Variants in COP1 observed in about 807,000 individuals in gnomAD.
COP1 encodes the protein COP1 E3 ubiquitin ligase.
In COP1, 24 loss-of-function variants were observed where a neutral mutation model predicts 101.3. The ratio of observed to expected loss-of-function variants is 0.24; its 90% CI spans 0.17 to 0.33. COP1 has a LOEUF of 0.33. COP1 is among the 10% of genes least tolerant of loss of function. COP1 has a pLI of 1.00. For missense variants in COP1, 663 were observed against 906.2 expected (o/e 0.73, Z 3.45); for synonymous variants, 347 against 341.9 (o/e 1.01, Z -0.17).
chr1:175,959,004 T>C (rs1419860871), intron 18 of COP1, among the ~76,000 whole-genome samples: 1 of 151,626 alleles, frequency 6.6e-6, no homozygotes, highest in Non-Finnish European at 1.5e-5. Context: ...ACATGGACAA[T>C]GCAAAAAAGG....
intron 11 of COP1, among the ~76,000 whole-genome samples, chr1:176,057,429 C>T (rs1248245407): frequency 1.3e-5 from 2 of 152,168 alleles, no homozygotes; most frequent in Non-Finnish European, 2.9e-5. Flanking sequence ...CACTGCAACC[C>T]CCCTGCCTGA....
At position 176,142,670 on chromosome 1, in the gene COP1, A is replaced by G. The variant is rs184843084; in HGVS notation, c.832-6123T>C. On this transcript the variant is annotated intron_variant, in intron 6 of 19. Coordinates refer to ENST00000367669, the MANE Select transcript of COP1 (RefSeq NM_022457.7). ...CAGCAAATATTATATTCAAAGAAAG[A>G]AAACACAACTTTCTGACTACAATGC... Among the ~76,000 whole-genome samples the G allele has an allele frequency of 4.6e-3, 699 of 152,234 alleles. 7 individuals carry two copies. The highest frequency in any genetic ancestry group is 0.015 in the African/African-American group (608 of 41,576).
intron 9 of COP1, among the ~76,000 whole-genome samples, chr1:176,098,258 C>T (rs898003560): frequency 5.3e-5 from 8 of 152,020 alleles, no homozygotes; most frequent in African/African-American, 1.5e-4. Flanking sequence ...AACAATTTAC[C>T]AGGTTTTAAA....
rs139598295 is a variant in COP1 at position 176,059,835 on chromosome 1, T to C, written c.1278-13511A>G. ...CCAACAAAACTTCATTTATGAACACTAGAATCTGAATTTTCACATGTCACA... is the reference window on the plus strand; with the variant it reads ...CCAACAAAACTTCATTTATGAACACCAGAATCTGAATTTTCACATGTCACA... On this transcript the variant is annotated intron_variant, in intron 11 of 19. Transcript: ENST00000367669. 1.3e-3 allele frequency among the ~76,000 whole-genome samples: 199 copies of C among 152,334 alleles called. 2 individuals are homozygous for C. The highest frequency in any genetic ancestry group is 4.4e-3 in the African/African-American group (183 of 41,566).
chr1:176,073,531 C>A (rs1456554549), intron 11 of COP1, among the ~76,000 whole-genome samples: 1 of 152,072 alleles, frequency 6.6e-6, no homozygotes, highest in East Asian at 1.9e-4. Flanking sequence ...ACACTGAACA[C>A]CTAATAGAAT....
chr1:175,971,548 G>A (rs1276440068), intron 18 of COP1, among the ~76,000 whole-genome samples: 3 of 151,446 alleles, frequency 2.0e-5, no homozygotes, highest in African/African-American at 7.3e-5. Flanking sequence ...GGAAGAAAAT[G>A]CCAAAGTGTT....
Position 175,971,533 on chromosome 1 carries a change from A to ATTT in COP1, c.2133+15409_2133+15410insAAA, listed in dbSNP as rs1334906830. The stretch of plus-strand genomic sequence containing the variant: ...ACATTGAGGTACTAGGAGGGTACCC[A>ATTT]TCTGGGAAGAAAATGCCAAAGTGTT... On this transcript the variant is annotated intron_variant, in intron 18 of 19. Coordinates refer to ENST00000367669, the MANE Select transcript of COP1 (RefSeq NM_022457.7). Among the ~76,000 whole-genome samples the ATTT allele has an allele frequency of 1.4e-4, 21 of 152,082 alleles. No individual in the cohort carries two copies. The South Asian group carries it at 3.5e-3, about 26-fold the overall frequency.
At chr1:176,047,550 C>A (rs1357326322) in intron 11 of COP1, among the ~76,000 whole-genome samples, 1 of 152,170 alleles carries the variant, frequency 6.6e-6, no homozygotes, top group Non-Finnish European at 1.5e-5. Flanking sequence ...GGTTTAAAAT[C>A]TATGTGTATG....
intron 9 of COP1, among the ~76,000 whole-genome samples, chr1:176,100,519 T>C (rs1050815032): frequency 2.0e-5 from 3 of 152,220 alleles, no homozygotes; most frequent in African/African-American, 7.2e-5. Flanking sequence ...TAACCCTGCT[T>C]GTTCCTGTGA....
chr1:176,002,231 G>C (rs1249865280), intron 15 of COP1, among the ~76,000 whole-genome samples: 1 of 151,924 alleles, frequency 6.6e-6, no homozygotes, highest in Non-Finnish European at 1.5e-5. Flanking sequence ...ATGCTTGATG[G>C]TGTCTCCAGG....
At chr1:176,009,011 T>C (rs772941390) in intron 15 of COP1, among the ~76,000 whole-genome samples, 27 of 152,168 alleles carry the variant, frequency 1.8e-4, no homozygotes, top group Admixed American at 1.8e-3. Flanking sequence ...ACAGAGCTCA[T>C]GGTCAACCAG....
chr1:176,037,229 C>T (rs1165255463), intron 14 of COP1, among the ~76,000 whole-genome samples: 6 of 151,876 alleles, frequency 4.0e-5, no homozygotes, highest in East Asian at 3.9e-4. Flanking sequence ...AGTGAAACCC[C>T]GTCTCTACTA....
At chr1:176,009,308 A>T (rs1010117727) in intron 15 of COP1, among the ~76,000 whole-genome samples, 2 of 152,208 alleles carry the variant, frequency 1.3e-5, no homozygotes, top group African/African-American at 4.8e-5. Context: ...TAGTAACAAT[A>T]TTCTAATATT....
chr1:176,118,573 G>C (rs1686592137), intron 8 of COP1, among the ~76,000 whole-genome samples: 1 of 152,106 alleles, frequency 6.6e-6, no homozygotes, highest in African/African-American at 2.4e-5. Context: ...GACCAGCCCG[G>C]ACAAAATAGT....
At chr1:176,007,574 C>G (rs989908926) in intron 15 of COP1, among the ~76,000 whole-genome samples, 5 of 151,342 alleles carry the variant, frequency 3.3e-5, no homozygotes. Flanking sequence ...ACAGGACCCT[C>G]AGCTGCAGGT....
At chr1:176,013,276 T>C (rs1665011239) in intron 15 of COP1, among the ~76,000 whole-genome samples, 1 of 152,088 alleles carries the variant, frequency 6.6e-6, no homozygotes, top group African/African-American at 2.4e-5. Flanking sequence ...ATCCCAAAAA[T>C]ATATGATTAT....
chr1:176,139,288 C>CAAAAAAAAA (rs563184945), intron 6 of COP1, among the ~76,000 whole-genome samples: 89 of 108,050 alleles, frequency 8.2e-4, no homozygotes, highest in African/African-American at 2.2e-3. Flanking sequence ...ACAAAAAAAA[C>CAAAAAAAAA]AAAAAAAAAA....
intron 14 of COP1, among the ~76,000 whole-genome samples, chr1:176,038,291 A>C (rs898148779): frequency 2.0e-5 from 3 of 152,196 alleles, no homozygotes; most frequent in Non-Finnish European, 4.4e-5. Flanking sequence ...GGACTAGAAG[A>C]CTCAGTATAT....
chr1:176,093,547 T>C (rs1045682901), intron 9 of COP1, among the ~76,000 whole-genome samples: 5 of 151,824 alleles, frequency 3.3e-5, no homozygotes, highest in African/African-American at 1.2e-4. Context: ...TCTCAAAATA[T>C]AAAAATTAGT....
Sources: allele counts gnomAD v4.1 joint callset (sites outside exome capture counted in the v4.1 genomes callset), GRCh38; gene constraint gnomAD v4.1.1; transcripts MANE v1.5; gene names NCBI Gene and HGNC (gene_info 2026-07-23, HGNC 2026-07-21).